Variants in CACNA1C observed in about 807,000 individuals in gnomAD.
CACNA1C encodes calcium voltage-gated channel subunit alpha1 C, also known as voltage-dependent L-type calcium channel subunit alpha-1C.
A neutral mutation model predicts 229.0 loss-of-function variants in CACNA1C; 30 were observed. The observed-to-expected ratio is 0.13, with a 90% CI of 0.10 to 0.18. The LOEUF (loss-of-function observed/expected upper bound fraction) is 0.18. CACNA1C is among the 10% of genes least tolerant of loss of function. The probability of loss-of-function intolerance (pLI) is 1.00; values close to 1 mark genes in which losing one functional copy is unlikely to be tolerated. For missense variants in CACNA1C, 1,658 were observed against 2,845.0 expected (o/e 0.58, Z 9.49); for synonymous variants, 1,114 against 1,132.5 (o/e 0.98, Z 0.33).
chr12:2,178,878 A>T (rs1244905420), intron 3 of CACNA1C, among the ~76,000 whole-genome samples: 1 of 152,156 alleles, frequency 6.6e-6, no homozygotes, highest in Non-Finnish European at 1.5e-5. Flanking sequence ...CCTGGCCAAC[A>T]TGACAAAACC....
At chr12:2,397,435 C>G (rs527940596) in intron 3 of CACNA1C, among the ~76,000 whole-genome samples, 3 of 152,236 alleles carry the variant, frequency 2.0e-5, no homozygotes, top group Non-Finnish European at 4.4e-5. Flanking sequence ...TTCAGAGCCC[C>G]CAGGAGCTTT....
intron 3 of CACNA1C, among the ~76,000 whole-genome samples, chr12:2,203,087 C>G (rs2097645944): frequency 6.6e-6 from 1 of 152,156 alleles, no homozygotes; most frequent in Non-Finnish European, 1.5e-5. Flanking sequence ...GATTTCCATG[C>G]TGGGGGTGTA....
chr12:1,989,732 A>C (rs1308558295), intron 1 of CACNA1C, among the ~76,000 whole-genome samples: 1 of 152,246 alleles, frequency 6.6e-6, no homozygotes, highest in Non-Finnish European at 1.5e-5. Context: ...AAGCAAGAAA[A>C]GAAAGGAATC....
At chr12:2,533,655 G>A (rs1247685507) in intron 9 of CACNA1C, among the ~76,000 whole-genome samples, 1 of 152,206 alleles carries the variant, frequency 6.6e-6, no homozygotes, top group Non-Finnish European at 1.5e-5. Context: ...GGGGAGTCAG[G>A]ATACGAGGGC....
chr12:2,349,920 G>A (rs993191416), intron 3 of CACNA1C, among the ~76,000 whole-genome samples: 6 of 152,150 alleles, frequency 3.9e-5, no homozygotes, highest in African/African-American at 7.2e-5. Context: ...AAGAAGAGTC[G>A]TTTTCCATGG....
intron 3 of CACNA1C, among the ~76,000 whole-genome samples, chr12:2,212,752 T>C (rs2097963437): frequency 6.6e-6 from 1 of 152,184 alleles, no homozygotes; most frequent in Non-Finnish European, 1.5e-5. Flanking sequence ...GTGTCTGGTG[T>C]GACAGCAGGT....
intron 5 of CACNA1C, among the ~76,000 whole-genome samples, chr12:2,466,976 G>T (rs1464706733): frequency 2.0e-5 from 3 of 151,916 alleles, no homozygotes; most frequent in Admixed American, 2.0e-4. Context: ...TATCCCCTTT[G>T]TCTTATAGGG....
chr12:2,370,989 C>T (rs922963906), intron 3 of CACNA1C, among the ~76,000 whole-genome samples: 18 of 152,070 alleles, frequency 1.2e-4, no homozygotes, highest in African/African-American at 4.1e-4. Context: ...GTGAGGGACC[C>T]CAGGGGAACC....
intron 3 of CACNA1C, among the ~76,000 whole-genome samples, chr12:2,433,602 G>T (rs1057192530): frequency 6.6e-6 from 1 of 152,150 alleles, no homozygotes; most frequent in African/African-American, 2.4e-5. Flanking sequence ...AGTGCTGTTG[G>T]TCATCAAAAG....
At chr12:2,183,627 C>G (rs1002490338) in intron 3 of CACNA1C, among the ~76,000 whole-genome samples, 1 of 152,048 alleles carries the variant, frequency 6.6e-6, no homozygotes, top group Admixed American at 6.5e-5. Flanking sequence ...AATGAAGATG[C>G]ATCCTCTCAT....
intron 1 of CACNA1C, among the ~76,000 whole-genome samples, chr12:2,016,877 C>T (rs2045479494): frequency 6.6e-6 from 1 of 152,190 alleles, no homozygotes; most frequent in Non-Finnish European, 1.5e-5. Context: ...GTGGCCTGGG[C>T]ATTGAGTTTC....
intron 34 of CACNA1C, among the ~76,000 whole-genome samples, chr12:2,655,872 A>C (rs2095393160): frequency 6.6e-6 from 1 of 152,228 alleles, no homozygotes; most frequent in South Asian, 2.1e-4. Context: ...GATGCAGAAA[A>C]AGCATTTGAC....
At chr12:2,655,462 C>G (rs1383936950) in intron 34 of CACNA1C, among the ~76,000 whole-genome samples, 6 of 152,206 alleles carry the variant, frequency 3.9e-5, no homozygotes, top group Non-Finnish European at 7.3e-5. Flanking sequence ...GGAAACCAGA[C>G]AAAACCATTA....
intron 3 of CACNA1C, among the ~76,000 whole-genome samples, chr12:2,339,451 C>T (rs1456278791): frequency 2.6e-5 from 4 of 152,188 alleles, no homozygotes; most frequent in African/African-American, 9.7e-5. Flanking sequence ...TATGTTTCTT[C>T]CTGCAATAAT....
intron 3 of CACNA1C, among the ~76,000 whole-genome samples, chr12:2,409,959 C>A (rs1000284399): frequency 1.3e-5 from 2 of 152,140 alleles, no homozygotes; most frequent in Non-Finnish European, 2.9e-5. Flanking sequence ...CAAGGGAGAA[C>A]TAGTGGAAGG....
At chr12:2,491,743 T>A (rs2099735308) in intron 6 of CACNA1C, among the ~76,000 whole-genome samples, 1 of 152,222 alleles carries the variant, frequency 6.6e-6, no homozygotes, top group Non-Finnish European at 1.5e-5. Context: ...AAGAATTATC[T>A]CTTACTTAAG....
At chr12:2,337,323 C>T (rs931376054) in intron 3 of CACNA1C, among the ~76,000 whole-genome samples, 8 of 152,172 alleles carry the variant, frequency 5.3e-5, no homozygotes, top group Non-Finnish European at 8.8e-5. Flanking sequence ...GTATGAACAC[C>T]CTCCTTTTCC....
intron 3 of CACNA1C, among the ~76,000 whole-genome samples, chr12:2,383,992 T>A (rs111522211): frequency 5.1e-4 from 78 of 152,318 alleles, no homozygotes; most frequent in African/African-American, 1.9e-3. Flanking sequence ...GGGTGCAAGG[T>A]ACTTGAGAGG....
At chr12:2,369,957 A>T (rs2097817386) in intron 3 of CACNA1C, among the ~76,000 whole-genome samples, 1 of 152,220 alleles carries the variant, frequency 6.6e-6, no homozygotes, top group African/African-American at 2.4e-5. Context: ...ACACTGGGAA[A>T]ATGTTTATTA....
Sources: gnomAD v4.1 joint callset for allele counts (sites outside exome capture counted in the v4.1 genomes callset) on GRCh38, gnomAD v4.1.1 for gene constraint, MANE v1.5 for transcripts, NCBI Gene and HGNC (gene_info 2026-07-23, HGNC 2026-07-21) for gene names.